GPRC5B: variants seen among roughly 807,000 people sequenced by gnomAD.
GPRC5B encodes G protein-coupled receptor class C group 5 member B, also known as G protein-coupled receptor family C group 5 member B.
In GPRC5B, 16 loss-of-function variants were observed where a neutral mutation model predicts 30.1. The observed-to-expected ratio is 0.53, with a 90% CI of 0.36 to 0.81. The LOEUF (loss-of-function observed/expected upper bound fraction) is 0.81, where lower values mean the gene tolerates loss of function less well. Ranked by LOEUF, GPRC5B falls within the 30% of genes least tolerant of loss-of-function variation. The pLI is 0.01. For missense variants in GPRC5B, 428 were observed against 544.7 expected, an observed-to-expected ratio of 0.79 and a Z score of 2.13; for synonymous variants, 241 against 239.5, an observed-to-expected ratio of 1.01 and a Z score of -0.06.
At chr16:19,865,732 T>A (rs762489793) in intron 2 of GPRC5B, among the ~76,000 whole-genome samples, 4 of 152,142 alleles carry the variant, frequency 2.6e-5, no homozygotes, top group Non-Finnish European at 5.9e-5. Context: ...GGCAGAATAT[T>A]CACCAGCTGA....
intron 1 of GPRC5B, among the ~76,000 whole-genome samples, chr16:19,879,904 G>T (rs1400868283): frequency 2.0e-5 from 3 of 152,054 alleles, no homozygotes; most frequent in Non-Finnish European, 4.4e-5. Context: ...GAGGCCCAAG[G>T]CAGGCAAATC....
Position 19,872,262 on chromosome 16 carries a change from T to C in GPRC5B, c.584A>G (p.Tyr195Cys), listed in dbSNP as rs1344853561. 2.5e-6 allele frequency: 4 copies of C among 1,614,104 alleles called. No individual in the cohort carries two copies. The highest frequency in any genetic ancestry group is 3.4e-6 in the Non-Finnish European group (4 of 1,180,008). Residue 195 changes from tyrosine (Y) to cysteine (C), a missense_variant, in exon 2 of 4, where the codon TAC (tyrosine) becomes TGC (cysteine). Around this residue, in one of 3 missense-constraint regions of GPRC5B, gnomAD observed 196 missense variants for 272.6 expected, o/e 0.72. Coordinates refer to ENST00000300571, the MANE Select transcript of GPRC5B (RefSeq NM_016235.3). The surrounding 1 kb of genome is among the most constrained non-coding windows in gnomAD (Gnocchi z 5.0). Reference sequence around the variant, plus strand: ...GGCCATCACAAAGTCCATGGGCTCGTAGGCGCAGGCTGGCCTTGTGTCACG... The same window carrying C: ...GGCCATCACAAAGTCCATGGGCTCGCAGGCGCAGGCTGGCCTTGTGTCACG... ...VLRDTRPACA[Y>C]EPMDFVMALI... is the part of the protein sequence containing the mutation.
chr16:19,865,675 A>C (rs572515962), intron 2 of GPRC5B, among the ~76,000 whole-genome samples: 20 of 152,328 alleles, frequency 1.3e-4, no homozygotes, highest in African/African-American at 3.6e-4. Context: ...AGATGAATGC[A>C]TAAGAATGTT....
rs140153375 is a variant in GPRC5B at position 19,861,968 on chromosome 16, G to C, written c.1036C>G (p.Arg346Gly). Residue 346 changes from arginine to glycine, a missense_variant, in exon 3 of 4, where the codon CGA (arginine) becomes GGA (glycine). By Grantham distance (125) the Arg-to-Gly change is moderately radical (BLOSUM62 -2). Transcript: ENST00000300571. ...FSMDEHNAAL[R>G]TAGFPNGSLG... Reference sequence around the variant, plus strand: ...CTGCCGTTGGGAAATCCTGCTGTTCGGAGAGCTGGGGGAGGGAGGGATTGG... The same window carrying C: ...CTGCCGTTGGGAAATCCTGCTGTTCCGAGAGCTGGGGGAGGGAGGGATTGG... 2.9e-5 allele frequency: 46 copies of C among 1,613,884 alleles called. No homozygotes were observed. In the East Asian group the frequency reaches 9.6e-4, roughly 34 times the overall value.
intron 1 of GPRC5B, among the ~76,000 whole-genome samples, chr16:19,879,513 ACT>A (rs1555459049): frequency 9.9e-5 from 15 of 151,540 alleles, no homozygotes; most frequent in African/African-American, 3.2e-4. Context: ...GGAACAGCAC[ACT>A]CTATCTCTCC....
At chr16:19,867,559 T>A (rs937955509) in intron 2 of GPRC5B, among the ~76,000 whole-genome samples, 2 of 152,212 alleles carry the variant, frequency 1.3e-5, no homozygotes, top group Admixed American at 1.3e-4. Context: ...GGAATCATCA[T>A]GTTCAACAAC....
intron 2 of GPRC5B, among the ~76,000 whole-genome samples, chr16:19,865,141 C>T (rs1944563594): frequency 6.6e-6 from 1 of 151,862 alleles, no homozygotes; most frequent in Non-Finnish European, 1.5e-5. Context: ...AATTCCTGAG[C>T]TCAAGTAATC....
intron 1 of GPRC5B, among the ~76,000 whole-genome samples, chr16:19,874,421 T>G (rs1261560622): frequency 6.6e-6 from 1 of 152,170 alleles, no homozygotes; most frequent in East Asian, 1.9e-4. Flanking sequence ...CGTCTGTCAT[T>G]TTTTGGCTGT....
At position 19,872,783 on chromosome 16, in the gene GPRC5B, G is replaced by A. The variant is rs1274487360; in HGVS notation, c.63C>T (p.Phe21=). ...TTTCAGAGGCCACCGAGGTGATCAC[G>A]AAGAGCAGGAGGAAGGTGAGCACCT... ...AHQVLTFLLL[F]VITSVASENA... Residue 21 remains phenylalanine, a synonymous_variant, in exon 2 of 4, where the codon TTC becomes TTT. Transcript: ENST00000300571. This position sits in a 1 kb window ranked among gnomAD's most constrained non-coding sequence, Gnocchi z 5.0. 5.0e-6 allele frequency: 8 copies of A among 1,613,634 alleles called. No homozygotes were observed. The highest frequency in any genetic ancestry group is 1.6e-4 in the Middle Eastern group (1 of 6,084).
rs1192391633 is a variant in GPRC5B at position 19,861,989 on chromosome 16, A to ACTTGTCTT, written c.1031-17_1031-16insAAGACAAG. ...GTTCGGAGAGCTGGGGGAGGGAGGGATTGGCAAGACAACATTGCCAAAAAA... is the reference window on the plus strand; with the variant it reads ...GTTCGGAGAGCTGGGGGAGGGAGGGACTTGTCTTTTGGCAAGACAACATTGCCAAAAAA... On this transcript the variant is annotated splice_polypyrimidine_tract_variant and intron_variant, in intron 2 of 3. Transcript: ENST00000300571. 6.2e-7 allele frequency: 1 copy of ACTTGTCTT among 1,613,292 alleles called. No individual in the cohort carries two copies. Among genetic ancestry groups the ACTTGTCTT allele is most frequent in the Admixed American group, 1.7e-5 (1 of 59,970 alleles).
rs199673129 is a variant in GPRC5B at position 19,871,934 on chromosome 16, C to A, written c.912G>T (p.Thr304=). The A allele has an allele frequency of 1.3e-5, 21 of 1,613,920 alleles. No homozygotes were observed. Among genetic ancestry groups the A allele is most frequent in the Admixed American group, 1.7e-5 (1 of 60,002 alleles). ...GCTGCGACGTGTCGAAGTAGTTGGGCGTGTTCTCCTGCAGGGCTGGCAGAA... is the reference window on the plus strand; with the variant it reads ...GCTGCGACGTGTCGAAGTAGTTGGGAGTGTTCTCCTGCAGGGCTGGCAGAA... The part of the protein sequence containing the change: ...CTLLPALQEN[T]PNYFDTSQPR... The change falls in exon 2 of 4, where the codon ACG becomes ACT. Residue 304 remains threonine (T), a synonymous_variant. Coordinates refer to ENST00000300571, the MANE Select transcript of GPRC5B (RefSeq NM_016235.3).
Position 19,860,385 on chromosome 16 carries a change from C to T in GPRC5B, c.*115G>A. The T allele has an allele frequency of 4.5e-6, 3 of 671,862 alleles. No individual in the cohort carries two copies. The highest frequency in any genetic ancestry group is 8.0e-6 in the Non-Finnish European group (3 of 376,776). 41.6% of individuals were successfully genotyped at this position (671,862 alleles called of 1,614,324 possible). On this transcript the variant is annotated 3_prime_UTR_variant, in exon 4 of 4. Coordinates refer to ENST00000300571, the MANE Select transcript of GPRC5B (RefSeq NM_016235.3). ...CCCCTTGGCTAGGATTTCCAAATTT[C>T]CTGGCTGTGAGGCGGCCTGGTTCGG... is the stretch of plus-strand genomic sequence containing the variant.
intron 1 of GPRC5B, among the ~76,000 whole-genome samples, chr16:19,875,299 C>T (rs1455201425): frequency 2.0e-5 from 3 of 152,254 alleles, no homozygotes; most frequent in African/African-American, 7.2e-5. Flanking sequence ...GGATGCACCC[C>T]AGGCATCGGT....
At chr16:19,876,301 A>G (rs2056758699) in intron 1 of GPRC5B, among the ~76,000 whole-genome samples, 1 of 152,256 alleles carries the variant, frequency 6.6e-6, no homozygotes, top group South Asian at 2.1e-4. Flanking sequence ...TCAGGGGGAT[A>G]GAGACCAGCA....
chr16:19,866,727 G>T (rs1297125365), intron 2 of GPRC5B, among the ~76,000 whole-genome samples: 1 of 152,022 alleles, frequency 6.6e-6, no homozygotes, highest in African/African-American at 2.4e-5. Flanking sequence ...GATTCTATAT[G>T]ATTATTGTTG....
At position 19,872,183 on chromosome 16, in the gene GPRC5B, A is replaced by G. The variant is rs765079843; in HGVS notation, c.663T>C (p.Thr221=). The stretch of plus-strand genomic sequence containing the variant: ...TCCACCTCTTGAACTTGCCGCACAG[A>G]GTGAAGAGGGCCAGCCCCAGGGTGA... The part of the protein sequence containing the change: ...LVVTLGLALF[T]LCGKFKRWKL... Residue 221 remains threonine, a synonymous_variant, in exon 2 of 4, where the codon ACT becomes ACC. Coordinates refer to ENST00000300571, the MANE Select transcript of GPRC5B (RefSeq NM_016235.3). The surrounding 1 kb of genome is among the most constrained non-coding windows in gnomAD (Gnocchi z 5.0). 4.2e-5 allele frequency: 68 copies of G among 1,613,990 alleles called. No homozygotes were observed. The highest frequency in any genetic ancestry group is 5.7e-5 in the Non-Finnish European group (67 of 1,180,004).
At chr16:19,860,745 C>G (rs2056614615) in intron 3 of GPRC5B, among the ~76,000 whole-genome samples, 3 of 152,200 alleles carry the variant, frequency 2.0e-5, no homozygotes, top group African/African-American at 7.2e-5. Context: ...TTTCTATAAC[C>G]ATCCACCCGT....
chr16:19,879,273 G>A (rs1489092297), intron 1 of GPRC5B, among the ~76,000 whole-genome samples: 1 of 152,174 alleles, frequency 6.6e-6, no homozygotes, highest in East Asian at 1.9e-4. Flanking sequence ...ATGCAGGCGT[G>A]CGCTTCTCAA....
At position 19,872,417 on chromosome 16, in the gene GPRC5B, C is replaced by G. The variant is rs1261764811; in HGVS notation, c.429G>C (p.Gln143His). ...FALCFSCLLS[Q>H]AWRVRRLVRH... ...GCACCAGCCTCCGCACGCGCCATGC[C>G]TGGCTCAGCAGGCAGGAGAAGCAGA... is the stretch of plus-strand genomic sequence containing the variant. The change falls in exon 2 of 4, where the codon CAG becomes CAC. Residue 143 changes from glutamine (Q) to histidine (H), a missense_variant. Around this residue, in one of 3 missense-constraint regions of GPRC5B, gnomAD observed 196 missense variants for 272.6 expected, o/e 0.72. Coordinates refer to ENST00000300571, the MANE Select transcript of GPRC5B (RefSeq NM_016235.3). This position sits in a 1 kb window ranked among gnomAD's most constrained non-coding sequence, Gnocchi z 5.0. 6 of 1,613,648 alleles carry G rather than the reference C, an allele frequency of 3.7e-6. No homozygotes were observed. The highest frequency in any genetic ancestry group is 3.3e-5 in the Admixed American group (2 of 59,982).
Sources: allele counts gnomAD v4.1 joint callset (sites outside exome capture counted in the v4.1 genomes callset), GRCh38; gene constraint gnomAD v4.1.1; regional missense constraint gnomAD v4.1.1; non-coding constraint Gnocchi (gnomAD v3.1); transcripts MANE v1.5; gene names NCBI Gene and HGNC (gene_info 2026-07-23, HGNC 2026-07-21).